MBOAT2: variants seen among roughly 807,000 people sequenced by gnomAD.
MBOAT2 encodes the protein membrane bound glycerophospholipid O-acyltransferase 2.
MBOAT2 carries 28 observed loss-of-function variants against 63.4 expected under a neutral mutation model. The observed-to-expected ratio is 0.44, with a 90% confidence interval of 0.33 to 0.61. The LOEUF is 0.61. Among genes scored for constraint, MBOAT2 ranks in the 20% least tolerant of loss-of-function variants. MBOAT2 has a pLI of 0.03. For missense variants in MBOAT2, 470 were observed against 605.8 expected, an observed-to-expected ratio of 0.78 and a Z score of 2.35; for synonymous variants, 211 against 215.6, an observed-to-expected ratio of 0.98 and a Z score of 0.19.
At chr2:8,893,424 A>C (rs1007770642) in intron 4 of MBOAT2, among the ~76,000 whole-genome samples, 1 of 152,178 alleles carries the variant, frequency 6.6e-6, no homozygotes, top group Non-Finnish European at 1.5e-5. Context: ...GTGGAAAACA[A>C]GGAAGTTATT....
chr2:9,003,620 G>A lies in MBOAT2; in HGVS notation c.-6C>T. 3 of 1,176,862 alleles carry A rather than the reference G, an allele frequency of 2.5e-6. No homozygotes were observed. The highest frequency in any genetic ancestry group is 3.1e-6 in the Non-Finnish European group (3 of 953,674). The allele number at this position is 1,176,862 out of a possible 1,614,324, so 72.9% of individuals were successfully genotyped here. On this transcript the variant is annotated 5_prime_UTR_variant, in exon 1 of 13. Transcript: ENST00000305997. This position sits in a 1 kb window ranked among gnomAD's most constrained non-coding sequence, Gnocchi z 5.4. ...GTGGTGCTGGTGGTGGCCATGGCCG[G>A]GCCTCGGCGCTCCGGCCGCCCGCGC... is the stretch of plus-strand genomic sequence containing the variant.
At chr2:8,884,090 G>C (rs1221451287) in intron 5 of MBOAT2, among the ~76,000 whole-genome samples, 1 of 144,632 alleles carries the variant, frequency 6.9e-6, no homozygotes, top group Non-Finnish European at 1.5e-5. Flanking sequence ...AAAAAAATTA[G>C]TTGGGTGTGG....
intron 3 of MBOAT2, among the ~76,000 whole-genome samples, chr2:8,921,787 T>C (rs1666589723): frequency 1.3e-5 from 2 of 152,230 alleles, no homozygotes; most frequent in African/African-American, 2.4e-5. Context: ...TGAGTTGTTT[T>C]TCTCTCACTG....
At chr2:8,940,310 G>C (rs2103229431) in intron 3 of MBOAT2, among the ~76,000 whole-genome samples, 1 of 151,880 alleles carries the variant, frequency 6.6e-6, no homozygotes, top group East Asian at 1.9e-4. Flanking sequence ...CTCTTTTTTT[G>C]AGATGGAGTC....
chr2:8,942,884 G>A (rs909083646), intron 3 of MBOAT2, among the ~76,000 whole-genome samples: 7 of 152,276 alleles, frequency 4.6e-5, no homozygotes, highest in African/African-American at 7.2e-5. Flanking sequence ...ATTTATGGTC[G>A]TCACAGCTCA....
chr2:8,995,758 A>C (rs1672246787), intron 1 of MBOAT2, among the ~76,000 whole-genome samples: 1 of 151,710 alleles, frequency 6.6e-6, no homozygotes, highest in Non-Finnish European at 1.5e-5. Context: ...GCCCGGCCTA[A>C]TTTTTTGTAG....
At chr2:8,974,571 C>T (rs984126339) in intron 1 of MBOAT2, 6 of 351,976 alleles carry the variant, frequency 1.7e-5, no homozygotes, top group African/African-American at 8.5e-5. Flanking sequence ...ACGTCTCCAG[C>T]GGAATATCTC....
intron 3 of MBOAT2, among the ~76,000 whole-genome samples, chr2:8,912,299 A>AAAGAAAGAAAGAAAGAAAG (rs71387298): frequency 2.1e-5 from 1 of 46,842 alleles, no homozygotes; most frequent in African/African-American, 8.0e-5. Flanking sequence ...GAAAAGAAAG[A>AAAGAAAGAAAGAAAGAAAG]AAAGAAAGAA....
chr2:8,908,935 T>C (rs1228360588), intron 3 of MBOAT2, among the ~76,000 whole-genome samples: 1 of 152,198 alleles, frequency 6.6e-6, no homozygotes, highest in African/African-American at 2.4e-5. Context: ...ATTTTATTCA[T>C]TTCCTTCTGA....
intron 2 of MBOAT2, among the ~76,000 whole-genome samples, chr2:8,944,691 A>G (rs975791125): frequency 5.9e-5 from 9 of 151,736 alleles, no homozygotes; most frequent in Non-Finnish European, 1.3e-4. Context: ...ACACGAAAAT[A>G]ATGTTGGCCT....
At chr2:8,980,021 G>T (rs962446880) in intron 1 of MBOAT2, among the ~76,000 whole-genome samples, 1 of 152,118 alleles carries the variant, frequency 6.6e-6, no homozygotes, top group African/African-American at 2.4e-5. Context: ...CTACACAGCT[G>T]ATAAAGGTCA....
At chr2:8,921,395 T>C (rs907101591) in intron 3 of MBOAT2, among the ~76,000 whole-genome samples, 2 of 152,220 alleles carry the variant, frequency 1.3e-5, no homozygotes, top group South Asian at 2.1e-4. Context: ...TACTATCATA[T>C]ATATGGCATC....
At chr2:8,993,954 G>C (rs542087764) in intron 1 of MBOAT2, among the ~76,000 whole-genome samples, 1 of 152,302 alleles carries the variant, frequency 6.6e-6, no homozygotes, top group African/African-American at 2.4e-5. Flanking sequence ...CGTGTGCATT[G>C]TCTCCTCAGT....
At chr2:8,981,646 A>G (rs1156886070) in intron 1 of MBOAT2, among the ~76,000 whole-genome samples, 4 of 151,946 alleles carry the variant, frequency 2.6e-5, no homozygotes, top group African/African-American at 9.7e-5. Context: ...AAGCAGGATG[A>G]GAGAGGGGGT....
intron 9 of MBOAT2, among the ~76,000 whole-genome samples, chr2:8,864,636 C>T (rs553898284): frequency 6.6e-6 from 1 of 152,166 alleles, no homozygotes; most frequent in African/African-American, 2.4e-5. Context: ...CAGACATCCA[C>T]CGCGACATCC....
intron 6 of MBOAT2, among the ~76,000 whole-genome samples, chr2:8,880,716 A>G (rs1318743817): frequency 2.0e-5 from 3 of 152,240 alleles, no homozygotes; most frequent in Admixed American, 6.5e-5. Flanking sequence ...GAGCCAGTGA[A>G]GGAGGAGAAA....
chr2:8,864,448 G>C (rs1427866492), intron 9 of MBOAT2, among the ~76,000 whole-genome samples: 4 of 152,036 alleles, frequency 2.6e-5, no homozygotes, highest in Non-Finnish European at 4.4e-5. Flanking sequence ...TGAGGTGATG[G>C]ATTATCACCA....
intron 3 of MBOAT2, among the ~76,000 whole-genome samples, chr2:8,914,169 G>C (rs76121624): frequency 0.082 from 12,528 of 152,198 alleles, 855 homozygotes; most frequent in African/African-American, 0.19. Flanking sequence ...GACTTGGGAG[G>C]AAGAGTGGGA....
chr2:8,929,118 C>T (rs956377787), intron 3 of MBOAT2, among the ~76,000 whole-genome samples: 7 of 152,132 alleles, frequency 4.6e-5, no homozygotes, highest in African/African-American at 1.4e-4. Context: ...TTGGCTGGTA[C>T]CTTTTTTGTA....
Sources: allele counts gnomAD v4.1 joint callset (sites outside exome capture counted in the v4.1 genomes callset), GRCh38; gene constraint gnomAD v4.1.1; non-coding constraint Gnocchi (gnomAD v3.1); transcripts MANE v1.5; gene names NCBI Gene and HGNC (gene_info 2026-07-23, HGNC 2026-07-21).